NAALADL2: variants seen among roughly 807,000 people sequenced by gnomAD.
NAALADL2 encodes the protein inactive N-acetylated-alpha-linked acidic dipeptidase-like protein 2.
Under a neutral mutation model 87.2 loss-of-function variants are expected in NAALADL2, and 76 were observed. The ratio of observed to expected loss-of-function variants is 0.87; its 90% CI spans 0.72 to 1.05. The LOEUF is 1.05. Ranked by LOEUF, NAALADL2 falls within the 50% of genes least tolerant of loss-of-function variation. The pLI is 0.00. For synonymous variants in NAALADL2, 354 were observed against 331.0 expected, an observed-to-expected ratio of 1.07 and a Z score of -0.75; for missense variants, 1,089 against 945.8, an observed-to-expected ratio of 1.15 and a Z score of -1.99.
intron 11 of NAALADL2, among the ~76,000 whole-genome samples, chr3:175,688,792 T>C (rs1035223800): frequency 6.6e-6 from 1 of 152,038 alleles, no homozygotes; most frequent in Non-Finnish European, 1.5e-5. Context: ...ATAAGGTACC[T>C]GAAGAGAAGC....
intron 1 of NAALADL2, among the ~76,000 whole-genome samples, chr3:174,991,422 G>T (rs1302834676): frequency 6.6e-6 from 1 of 151,892 alleles, no homozygotes; most frequent in Non-Finnish European, 1.5e-5. Context: ...TCAAAATTAT[G>T]AAAATGTTAC....
chr3:174,879,098 C>T (rs1386314365), intron 1 of NAALADL2, among the ~76,000 whole-genome samples: 3 of 152,076 alleles, frequency 2.0e-5, no homozygotes, highest in African/African-American at 7.2e-5. Flanking sequence ...ACAAGCTTAA[C>T]TAGCCTTCCA....
intron 6 of NAALADL2, among the ~76,000 whole-genome samples, chr3:175,448,315 C>CTGTTT (rs926273755): frequency 1.3e-5 from 2 of 152,160 alleles, no homozygotes; most frequent in Non-Finnish European, 2.9e-5. Flanking sequence ...GAGGAGCTTT[C>CTGTTT]TGTTTTGTTT....
chr3:174,784,426 T>G (rs553768793), intron 3 of NAALADL2, among the ~76,000 whole-genome samples: 14 of 152,180 alleles, frequency 9.2e-5, no homozygotes, highest in Non-Finnish European at 1.6e-4. Context: ...TCATGAGTCA[T>G]AATATATATT....
chr3:174,493,228 G>T (rs1265885214), intron 1 of NAALADL2, among the ~76,000 whole-genome samples: 1 of 152,074 alleles, frequency 6.6e-6, no homozygotes, highest in South Asian at 2.1e-4. Context: ...TGGATACAAG[G>T]TATTTTTAGA....
At chr3:175,387,609 T>A (rs1247562814) in intron 5 of NAALADL2, among the ~76,000 whole-genome samples, 1 of 152,092 alleles carries the variant, frequency 6.6e-6, no homozygotes, top group Non-Finnish European at 1.5e-5. Context: ...AAACCATGTG[T>A]ACAGTTGAAA....
At chr3:175,545,006 A>T (rs1713052165) in intron 9 of NAALADL2, among the ~76,000 whole-genome samples, 1 of 152,186 alleles carries the variant, frequency 6.6e-6, no homozygotes, top group African/African-American at 2.4e-5. Context: ...TATAGTCTGG[A>T]ATAACAATAA....
At chr3:175,104,222 T>A (rs1722714281) in intron 2 of NAALADL2, among the ~76,000 whole-genome samples, 1 of 152,148 alleles carries the variant, frequency 6.6e-6, no homozygotes, top group Admixed American at 6.5e-5. Context: ...AGCTGACGAC[T>A]TATACATTAC....
At chr3:175,477,016 C>T (rs1725789106) in intron 9 of NAALADL2, among the ~76,000 whole-genome samples, 1 of 151,948 alleles carries the variant, frequency 6.6e-6, no homozygotes, top group Non-Finnish European at 1.5e-5. Flanking sequence ...GAAACAATAC[C>T]ACTAGGCTAT....
At chr3:175,042,322 T>C (rs533902525) in intron 1 of NAALADL2, among the ~76,000 whole-genome samples, 1 of 152,142 alleles carries the variant, frequency 6.6e-6, no homozygotes, top group African/African-American at 2.4e-5. Flanking sequence ...TATATACACC[T>C]CATTTTCTTT....
At chr3:174,503,386 C>A (rs1473366094) in intron 1 of NAALADL2, among the ~76,000 whole-genome samples, 2 of 151,996 alleles carry the variant, frequency 1.3e-5, no homozygotes, top group Admixed American at 1.3e-4. Flanking sequence ...TATGCTTATG[C>A]CAGTCAGTAA....
chr3:175,707,595 A>C (rs966644570), intron 11 of NAALADL2, among the ~76,000 whole-genome samples: 3 of 152,120 alleles, frequency 2.0e-5, no homozygotes, highest in African/African-American at 7.2e-5. Context: ...AGCGATTGCA[A>C]AACTTTGGCA....
At chr3:174,943,574 C>G (rs28821274) in intron 1 of NAALADL2, among the ~76,000 whole-genome samples, 6,280 of 152,248 alleles carry the variant, frequency 0.041, 439 homozygotes, top group African/African-American at 0.14. Context: ...TGGCAGCAGA[C>G]GAAGGGACCC....
chr3:174,588,070 CT>C lies in NAALADL2; in HGVS notation c.-115+37438del, dbSNP rs770338924. Among the ~76,000 whole-genome samples, 5 of 152,120 alleles carry C rather than the reference CT, an allele frequency of 3.3e-5. No homozygotes were observed. In the East Asian group the frequency reaches 7.8e-4, roughly 24 times the overall value. On this transcript the variant is annotated intron_variant, in intron 2 of 3. Coordinates refer to the NAALADL2 transcript ENST00000434257. ...TATTTCTTGGAGGCTTTGTTTGTTT[CT>C]TTTTACTCTTTTTTCTGTAAACTTC...
Position 175,236,718 on chromosome 3 carries a change from C to A in NAALADL2, c.819+2514C>A, listed in dbSNP as rs1279835258. ...GTCATTTGGAAGAATCTGTTGGGCC[C>A]TAGAGTTCCACTATTGGGCAAATCC... On this transcript the variant is annotated intron_variant, in intron 3 of 13. Coordinates refer to ENST00000454872, the MANE Select transcript of NAALADL2 (RefSeq NM_207015.3). 3.9e-5 allele frequency among the ~76,000 whole-genome samples: 6 copies of A among 152,022 alleles called. No homozygotes were observed. The East Asian group carries it at 1.2e-3, about 29-fold the overall frequency.
At chr3:175,765,423 G>A (rs1023622346) in intron 13 of NAALADL2, among the ~76,000 whole-genome samples, 1 of 151,756 alleles carries the variant, frequency 6.6e-6, no homozygotes, top group African/African-American at 2.4e-5. Flanking sequence ...CACTCATTTT[G>A]TCAATATTAG....
intron 1 of NAALADL2, among the ~76,000 whole-genome samples, chr3:174,979,615 C>T (rs979566206): frequency 6.6e-6 from 1 of 151,916 alleles, no homozygotes; most frequent in African/African-American, 2.4e-5. Context: ...CATTTTGTTT[C>T]TTTCTTATAT....
At chr3:175,356,719 C>T (rs1445257442) in intron 5 of NAALADL2, among the ~76,000 whole-genome samples, 1 of 151,692 alleles carries the variant, frequency 6.6e-6, no homozygotes, top group East Asian at 1.9e-4. Context: ...AAGCTAGGCA[C>T]CAGAGTGCAA....
chr3:174,991,731 C>T (rs1746780984), intron 1 of NAALADL2, among the ~76,000 whole-genome samples: 1 of 152,032 alleles, frequency 6.6e-6, no homozygotes, highest in East Asian at 1.9e-4. Context: ...TTATTGTTCA[C>T]TTGAGAGAAT....
Sources: gnomAD v4.1 joint callset for allele counts (sites outside exome capture counted in the v4.1 genomes callset) on GRCh38, gnomAD v4.1.1 for gene constraint, MANE v1.5 for transcripts, NCBI Gene and HGNC (gene_info 2026-07-23, HGNC 2026-07-21) for gene names.